MPV17L2: variants seen among roughly 807,000 people sequenced by gnomAD.
The protein encoded by MPV17L2 is mpv17-like protein 2.
In MPV17L2, 25 loss-of-function variants were observed where a neutral mutation model predicts 24.2. The observed-to-expected ratio is 1.03, with a 90% CI of 0.75 to 1.44. The LOEUF is 1.44. MPV17L2 is among the 40% of genes most tolerant of loss of function. The pLI, the probability that MPV17L2 is intolerant of heterozygous loss-of-function variation, is 0.00. For missense variants in MPV17L2, 271 were observed against 276.2 expected (o/e 0.98, Z 0.13); for synonymous variants, 130 against 121.4 (o/e 1.07, Z -0.46).
At position 18,196,808 on chromosome 19, in the gene MPV17L2, C is replaced by T. The variant is rs1967528300; in HGVS notation, c.*753C>T. 3.4e-6 allele frequency: 1 copy of T among 293,442 alleles called. No individual in the cohort carries two copies. The highest frequency in any genetic ancestry group is 6.6e-6 in the Non-Finnish European group (1 of 151,372). 18.2% of individuals were successfully genotyped at this position (293,442 alleles called of 1,614,324 possible). A position where few individuals can be genotyped will look rare whatever the true frequency, so the allele number is the denominator to read the frequency against. On this transcript the variant is annotated 3_prime_UTR_variant, in exon 5 of 5. Coordinates refer to ENST00000599612, the MANE Select transcript of MPV17L2 (RefSeq NM_032683.3). Reference sequence around the variant, plus strand: ...CTCACAGGGACACACATGGATGGTCCATTCGCTTTATTGGGTGCGTGTAGT... The same window carrying T: ...CTCACAGGGACACACATGGATGGTCTATTCGCTTTATTGGGTGCGTGTAGT...
intron 4 of MPV17L2, 98 bp downstream of exon 4, chr19:18,195,184 G>T: frequency 6.6e-7 from 1 of 1,519,040 alleles, no homozygotes. Context: ...TGGAGGGTGG[G>T]AGTCTCCTGT....
Position 18,194,850 on chromosome 19 carries a change from C to T in MPV17L2, c.432C>T (p.Tyr144=). Residue 144 remains tyrosine (Y), a synonymous_variant, in exon 3 of 5, where the codon TAC becomes TAT. Coordinates refer to ENST00000599612, the MANE Select transcript of MPV17L2 (RefSeq NM_032683.3). ...TGCGGGAGAAGTTCTGGGAATTCTA[C>T]AAGGTGGGAGCACCCGCCCCTTGCA... ...QELREKFWEF[Y]KADWCVWPAA... 1 of 1,605,124 alleles carries T rather than the reference C, an allele frequency of 6.2e-7. No individual in the cohort carries two copies. The highest frequency in any genetic ancestry group is 1.1e-5 in the South Asian group (1 of 89,756).
chr19:18,194,886 CCCGCCCCCTGATGGCCGCT>C (rs1163665358), intron 3 of MPV17L2, 33 bp downstream of exon 3: 1 of 1,593,900 alleles, frequency 6.3e-7, no homozygotes, highest in Non-Finnish European at 8.5e-7. Flanking sequence ...CATGTCCGGC[CCCGCCCCCTGATGGCCGCT>C]CCGCCCCCGC....
At position 18,194,027 on chromosome 19, in the gene MPV17L2, C is replaced by T; in HGVS notation, c.351C>T (p.Tyr117=). 6.2e-7 allele frequency: 1 copy of T among 1,613,974 alleles called. No individual in the cohort carries two copies. The highest frequency in any genetic ancestry group is 8.5e-7 in the Non-Finnish European group (1 of 1,179,926). ...CCTCTCCATTGCTGGGCGTCTGGTA[C>T]TTCTTGGGTAAGGAGCCTCCTAAGC... The part of the protein sequence containing the change: ...LVASPLLGVW[Y]FLGLGCLEGQ... The change falls in exon 2 of 5, where the codon TAC becomes TAT. Residue 117 remains tyrosine, a synonymous_variant. Coordinates refer to ENST00000599612, the MANE Select transcript of MPV17L2 (RefSeq NM_032683.3).
rs1458335896 is a variant in MPV17L2, at chr19:18,194,866, G to T, written c.435+13G>T. On this transcript the variant is annotated intron_variant, in intron 3 of 4. Coordinates refer to ENST00000599612, the MANE Select transcript of MPV17L2 (RefSeq NM_032683.3). ...GGAATTCTACAAGGTGGGAGCACCC[G>T]CCCCTTGCACATGTCCGGCCCCGCC... The T allele has an allele frequency of 5.0e-6, 8 of 1,602,532 alleles. No homozygotes were observed. The highest frequency in any genetic ancestry group is 6.8e-6 in the Non-Finnish European group (8 of 1,175,448).
In MPV17L2 at chr19:18,194,764, G is replaced by C; in HGVS notation, c.359-13G>C. ...TGGCCTCTAACACTCTCATTTCTTG[G>C]TTTGCTTCCCAGGCCTTGGCTGCCT... On this transcript the variant is annotated splice_polypyrimidine_tract_variant and intron_variant, in intron 2 of 4. Coordinates refer to ENST00000599612, the MANE Select transcript of MPV17L2 (RefSeq NM_032683.3). 6.2e-7 allele frequency: 1 copy of C among 1,600,402 alleles called. No individual in the cohort carries two copies. Among genetic ancestry groups the C allele is most frequent in the Non-Finnish European group, 8.5e-7 (1 of 1,173,884 alleles).
rs780962470 is a variant in MPV17L2, at chr19:18,196,109, C to T, written c.*54C>T. On this transcript the variant is annotated 3_prime_UTR_variant, in exon 5 of 5. Coordinates refer to ENST00000599612, the MANE Select transcript of MPV17L2 (RefSeq NM_032683.3). ...ACTGTCTCCTGGCGGACCACCCCCT[C>T]TGACAGAAGGGGAATGGGCTCCTGC... The T allele has an allele frequency of 1.2e-4, 199 of 1,613,092 alleles. No individual in the cohort carries two copies. The highest frequency in any genetic ancestry group is 1.6e-4 in the Non-Finnish European group (183 of 1,179,872).
chr19:18,195,406 C>T lies in MPV17L2; in HGVS notation c.564+320C>T, dbSNP rs144207508. On this transcript the variant is annotated intron_variant, in intron 4 of 4. Transcript: ENST00000599612. ...CTAAAAATACAAAAAATTACTGGTA[C>T]GCACCTGTAATTCCAGTTACTTGAG... Among the ~76,000 whole-genome samples, 32 of 151,970 alleles carry T rather than the reference C, an allele frequency of 2.1e-4. No homozygotes were observed. The East Asian group carries it at 6.2e-3, about 29-fold the overall frequency.
rs1457568292 is a variant in MPV17L2 at position 18,196,754 on chromosome 19, A to G, written c.*699A>G. The G allele has an allele frequency of 3.1e-6, 1 of 324,982 alleles. No homozygotes were observed. Among genetic ancestry groups the G allele is most frequent in the African/African-American group, 2.2e-5 (1 of 46,372 alleles). The allele number at this position is 324,982 out of a possible 1,614,324, so 20.1% of individuals were successfully genotyped here. A position where few individuals can be genotyped will look rare whatever the true frequency, so the allele number is the denominator to read the frequency against. On this transcript the variant is annotated 3_prime_UTR_variant, in exon 5 of 5. Transcript: ENST00000599612. ...ATAACAAAAGAAAATGCTGTGGATG[A>G]TCAAAACCAGGGTGGGCAGGACCCG...
Position 18,193,407 on chromosome 19 carries a change from C to T in MPV17L2, c.126C>T (p.Gly42=), listed in dbSNP as rs774795752. The change falls in exon 1 of 5, where the codon GGC becomes GGT. Residue 42 remains glycine, a synonymous_variant. Coordinates refer to ENST00000599612, the MANE Select transcript of MPV17L2 (RefSeq NM_032683.3). ...GCGCGCTCATGGCGGCCGGTGATGG[C>T]GTGCGCCAGTCCTGGGAGATCCGCG... is the stretch of plus-strand genomic sequence containing the variant. The part of the protein sequence containing the change: ...GCGALMAAGD[G]VRQSWEIRAR... 109 of 1,570,776 alleles carry T rather than the reference C, an allele frequency of 6.9e-5. 1 individual carries two copies. The African/African-American group carries it at 1.0e-3, about 15-fold the overall frequency.
intron 4 of MPV17L2, 118 bp from the exon 5 acceptor site, chr19:18,195,881 C>T: frequency 1.0e-6 from 1 of 956,238 alleles, no homozygotes; most frequent in Middle Eastern, 2.3e-4. Context: ...CTGATGTGAC[C>T]TCAGCCCGGT....
chr19:18,194,025 T>G lies in MPV17L2; in HGVS notation c.349T>G (p.Tyr117Asp), dbSNP rs546929536. The G allele has an allele frequency of 3.1e-6, 5 of 1,614,022 alleles. No homozygotes were observed. The highest frequency in any genetic ancestry group is 1.3e-5 in the African/African-American group (1 of 75,070). ...AGCCTCTCCATTGCTGGGCGTCTGG[T>G]ACTTCTTGGGTAAGGAGCCTCCTAA... ...LVASPLLGVW[Y>D]FLGLGCLEGQ... Residue 117 changes from tyrosine to aspartate, a missense_variant, in exon 2 of 5, where the codon TAC becomes GAC. Physicochemically the swap from Tyr to Asp is radical, Grantham distance 160 (BLOSUM62 -3). Coordinates refer to ENST00000599612, the MANE Select transcript of MPV17L2 (RefSeq NM_032683.3).
rs1211461062 is a variant in MPV17L2 at position 18,196,698 on chromosome 19, A to C, written c.*643A>C. The C allele has an allele frequency of 3.0e-6, 1 of 334,060 alleles. No homozygotes were observed. Among genetic ancestry groups the C allele is most frequent in the Non-Finnish European group, 5.9e-6 (1 of 168,778 alleles). 20.7% of individuals were successfully genotyped at this position (334,060 alleles called of 1,614,324 possible). A position where few individuals can be genotyped will look rare whatever the true frequency, so the allele number is the denominator to read the frequency against. The stretch of plus-strand genomic sequence containing the variant: ...AGACCAGCCTGGGCAACATAGCAAG[A>C]CCCTGTCTCTATTTATATTGAAAAA... On this transcript the variant is annotated 3_prime_UTR_variant, in exon 5 of 5. Coordinates refer to ENST00000599612, the MANE Select transcript of MPV17L2 (RefSeq NM_032683.3).
intron 4 of MPV17L2, 88 bp downstream of exon 4, chr19:18,195,174 T>C: frequency 6.5e-7 from 1 of 1,537,264 alleles, no homozygotes; most frequent in Non-Finnish European, 8.8e-7. Context: ...CCAGCCACCC[T>C]GGAGGGTGGG....
chr19:18,193,433 C>G lies in MPV17L2; in HGVS notation c.152C>G (p.Ala51Gly). The change falls in exon 1 of 5, where the codon GCC (alanine) becomes GGC (glycine). Residue 51 changes from alanine to glycine, a missense_variant. Physicochemically the swap from Ala to Gly is moderately conservative, Grantham distance 60. Transcript: ENST00000599612. ...DGVRQSWEIRARPGQVFDPRR... is the reference protein window; with the variant it reads ...DGVRQSWEIRGRPGQVFDPRR... ...GTGCGCCAGTCCTGGGAGATCCGCGCCCGGCCCGGCCAGGTTTTCGACCCA... is the reference window on the plus strand; with the variant it reads ...GTGCGCCAGTCCTGGGAGATCCGCGGCCGGCCCGGCCAGGTTTTCGACCCA... 1 of 1,548,668 alleles carries G rather than the reference C, an allele frequency of 6.5e-7. No homozygotes were observed.
At chr19:18,194,930 G>A (rs1264648346) in intron 3 of MPV17L2, 28 bp from the exon 4 acceptor site, 4 of 830,604 alleles carry the variant, frequency 4.8e-6, no homozygotes, top group East Asian at 4.2e-5. Flanking sequence ...CTCTGGCCCC[G>A]CCCCTCATCC....
intron 2 of MPV17L2, 83 bp from the exon 3 acceptor site, chr19:18,194,694 G>T (rs1325925692): frequency 3.8e-6 from 5 of 1,304,256 alleles, no homozygotes; most frequent in South Asian, 1.3e-5. Context: ...GCCCAACCCC[G>T]CCCCCTCCAT....
chr19:18,194,195 C>G (rs1035757548), intron 2 of MPV17L2, 161 bp downstream of exon 2: 30 of 733,682 alleles, frequency 4.1e-5, no homozygotes, highest in Middle Eastern at 3.5e-4. Context: ...CGGACTCGGC[C>G]GATGTGAACG....
chr19:18,195,085 G>T lies in MPV17L2; in HGVS notation c.563G>T (p.Arg188Leu). The stretch of plus-strand genomic sequence containing the variant: ...ACGTACCTGTCCTACTTGAAGTACC[G>T]GGTGAGTGTGGAGGGCATACCAGGC... The part of the protein sequence containing the change: ...WDTYLSYLKY[R>L]SPVPLTPPGC... Residue 188 changes from arginine (R) to leucine (L), a missense_variant and splice_region_variant, in exon 4 of 5, where the codon CGG becomes CTG. By Grantham distance (102) the Arg-to-Leu change is moderately radical. Coordinates refer to ENST00000599612, the MANE Select transcript of MPV17L2 (RefSeq NM_032683.3). 6.2e-7 allele frequency: 1 copy of T among 1,613,772 alleles called. No individual in the cohort carries two copies. Among genetic ancestry groups the T allele is most frequent in the Non-Finnish European group, 8.5e-7 (1 of 1,179,800 alleles).
Sources: gnomAD v4.1 joint callset for allele counts (sites outside exome capture counted in the v4.1 genomes callset) on GRCh38, gnomAD v4.1.1 for gene constraint, MANE v1.5 for transcripts, NCBI Gene and HGNC (gene_info 2026-07-23, HGNC 2026-07-21) for gene names.